The following SLC22A15 variants were observed in gnomAD, a reference collection of about 807,000 sequenced individuals.
The protein encoded by SLC22A15 is flipt 1.
SLC22A15 carries 45 observed loss-of-function variants against 62.7 expected under a neutral mutation model. The observed-to-expected ratio is 0.72, with a 90% CI of 0.56 to 0.92. The LOEUF (loss-of-function observed/expected upper bound fraction) is 0.92. Ranked by LOEUF, SLC22A15 falls within the 40% of genes least tolerant of loss-of-function variation. SLC22A15 has a pLI of 0.00. For missense variants in SLC22A15, 622 were observed against 665.6 expected (o/e 0.93, Z 0.72); for synonymous variants, 264 against 267.0 (o/e 0.99, Z 0.11).
intron 8 of SLC22A15, among the ~76,000 whole-genome samples, chr1:116,047,260 C>T (rs1657950704): frequency 1.3e-5 from 2 of 152,102 alleles, no homozygotes; most frequent in South Asian, 4.1e-4. Context: ...AACACCGTCT[C>T]TCCTAAAAAT....
At chr1:116,013,567 T>G (rs1656382378) in intron 2 of SLC22A15, among the ~76,000 whole-genome samples, 1 of 152,200 alleles carries the variant, frequency 6.6e-6, no homozygotes, top group South Asian at 2.1e-4. Context: ...TTGACATATC[T>G]TTGATATACA....
chr1:116,029,832 G>A (rs756672122), intron 5 of SLC22A15, among the ~76,000 whole-genome samples: 20 of 152,010 alleles, frequency 1.3e-4, no homozygotes, highest in Non-Finnish European at 2.2e-4. Flanking sequence ...ATATTTTGGC[G>A]TATTTTCTGT....
At chr1:116,016,772 C>T (rs1385742576) in intron 2 of SLC22A15, among the ~76,000 whole-genome samples, 1 of 152,152 alleles carries the variant, frequency 6.6e-6, no homozygotes, top group Non-Finnish European at 1.5e-5. Flanking sequence ...CGTTCCTACT[C>T]CTACTGCATC....
In SLC22A15 at chr1:116,066,512, C is replaced by T; in HGVS notation, c.1366-8C>T. 2 of 1,582,164 alleles carry T rather than the reference C, an allele frequency of 1.3e-6. No homozygotes were observed. The highest frequency in any genetic ancestry group is 1.7e-6 in the Non-Finnish European group (2 of 1,161,766). ...GGTTTATTTTCATTCCACTCCCCGC[C>T]TCTGCAGAAATATGTGCAATGGTCT... On this transcript the variant is annotated splice_region_variant and splice_polypyrimidine_tract_variant and intron_variant, in intron 10 of 11. Transcript: ENST00000369503.
At position 116,035,464 on chromosome 1, in the gene SLC22A15, T is replaced by C. The variant is rs909923182; in HGVS notation, c.1085+137T>C. ...CTGATTGCTCTGTGGTGATTAGAGT[T>C]TCTTTCCATCTAAAAACAGTTAGAA... On this transcript the variant is annotated intron_variant, in intron 7 of 11. Coordinates refer to ENST00000369503, the MANE Select transcript of SLC22A15 (RefSeq NM_018420.3). 3 of 664,582 alleles carry C rather than the reference T, an allele frequency of 4.5e-6. No individual in the cohort carries two copies. The African/African-American group carries it at 5.6e-5, about 12-fold the overall frequency. 41.2% of individuals were successfully genotyped at this position (664,582 alleles called of 1,614,324 possible). A position where few individuals can be genotyped will look rare whatever the true frequency, so the allele number is the denominator to read the frequency against.
intron 8 of SLC22A15, among the ~76,000 whole-genome samples, chr1:116,042,419 C>G (rs1158812284): frequency 1.3e-5 from 2 of 151,444 alleles, no homozygotes; most frequent in Non-Finnish European, 2.9e-5. Context: ...AAGAAAAGAT[C>G]AGTTAAAGAC....
chr1:115,982,412 T>C (rs1038596760), intron 1 of SLC22A15, among the ~76,000 whole-genome samples: 5 of 152,346 alleles, frequency 3.3e-5, no homozygotes, highest in East Asian at 3.9e-4. Flanking sequence ...TGTATATCCA[T>C]CTTTTTTGCA....
At chr1:116,055,190 CA>C in intron 8 of SLC22A15, among the ~76,000 whole-genome samples, 1 of 151,404 alleles carries the variant, frequency 6.6e-6, no homozygotes, top group Non-Finnish European at 1.5e-5. Context: ...AGAGAAGAAT[CA>C]AATAGACGCA....
chr1:115,989,015 G>A (rs1296007375), intron 1 of SLC22A15, among the ~76,000 whole-genome samples: 4 of 152,140 alleles, frequency 2.6e-5, no homozygotes, highest in Non-Finnish European at 4.4e-5. Context: ...GGCTAACACC[G>A]TTTTATTGAG....
intron 2 of SLC22A15, among the ~76,000 whole-genome samples, chr1:115,994,625 A>G (rs1655326295): frequency 6.6e-6 from 1 of 152,154 alleles, no homozygotes; most frequent in Non-Finnish European, 1.5e-5. Context: ...AGTTTCATCT[A>G]TTGTTACTAG....
At chr1:116,063,012 A>G in intron 9 of SLC22A15, 130 bp downstream of exon 9, 2 of 1,214,334 alleles carry the variant, frequency 1.6e-6, no homozygotes, top group African/African-American at 1.5e-5. Flanking sequence ...TTCAGCAAGC[A>G]GTTTAGGGTG....
At chr1:116,046,063 T>C (rs1278103016) in intron 8 of SLC22A15, among the ~76,000 whole-genome samples, 1 of 152,196 alleles carries the variant, frequency 6.6e-6, no homozygotes, top group African/African-American at 2.4e-5. Flanking sequence ...AAAATATAAC[T>C]TCAACCTGTA....
At chr1:116,043,650 T>C (rs1390296804) in intron 8 of SLC22A15, among the ~76,000 whole-genome samples, 1 of 151,420 alleles carries the variant, frequency 6.6e-6, no homozygotes, top group Non-Finnish European at 1.5e-5. Context: ...AGCAAAAAAA[T>C]CAATGGAATG....
intron 2 of SLC22A15, among the ~76,000 whole-genome samples, chr1:115,994,085 T>C (rs983222135): frequency 6.6e-6 from 1 of 152,160 alleles, no homozygotes; most frequent in Non-Finnish European, 1.5e-5. Flanking sequence ...TGTTACAGAC[T>C]GTTGTTTGTG....
chr1:116,060,939 C>T (rs1221175177), intron 8 of SLC22A15, among the ~76,000 whole-genome samples: 28 of 152,152 alleles, frequency 1.8e-4, no homozygotes, highest in Admixed American at 1.8e-3. Flanking sequence ...TCAAGACACA[C>T]TCTTTAAAGA....
intron 2 of SLC22A15, among the ~76,000 whole-genome samples, chr1:116,007,820 T>C (rs1656057875): frequency 1.3e-5 from 2 of 152,194 alleles, no homozygotes; most frequent in Admixed American, 1.3e-4. Flanking sequence ...TCACTAGTGA[T>C]TTTCAAGCTT....
chr1:115,985,393 C>T (rs1654806233), intron 1 of SLC22A15, among the ~76,000 whole-genome samples: 1 of 152,140 alleles, frequency 6.6e-6, no homozygotes, highest in Admixed American at 6.5e-5. Context: ...GACGTTTGCA[C>T]AATGATGGAC....
intron 1 of SLC22A15, among the ~76,000 whole-genome samples, chr1:115,978,785 T>G (rs1225012498): frequency 6.6e-6 from 1 of 152,204 alleles, no homozygotes; most frequent in Non-Finnish European, 1.5e-5. Context: ...GTCCCATTGC[T>G]CAGTTGTATC....
chr1:115,985,074 A>G (rs1325953204), intron 1 of SLC22A15, among the ~76,000 whole-genome samples: 4 of 152,210 alleles, frequency 2.6e-5, no homozygotes, highest in Non-Finnish European at 1.5e-5. Context: ...TACAAAGTCT[A>G]CTGTAGTGTC....
Sources: gnomAD v4.1 joint callset for allele counts (sites outside exome capture counted in the v4.1 genomes callset) on GRCh38, gnomAD v4.1.1 for gene constraint, MANE v1.5 for transcripts, NCBI Gene and HGNC (gene_info 2026-07-23, HGNC 2026-07-21) for gene names.